NSRP1: variants seen among roughly 807,000 people sequenced by gnomAD.
NSRP1 encodes coiled-coil domain containing 55.
In NSRP1, 24 loss-of-function variants were observed where a neutral mutation model predicts 54.7. That is an observed-to-expected ratio of 0.44 (90% CI 0.32 to 0.62). The LOEUF (loss-of-function observed/expected upper bound fraction) is 0.62. Ranked by LOEUF, NSRP1 falls within the 20% of genes least tolerant of loss-of-function variation. The probability of loss-of-function intolerance (pLI) is 0.06; values close to 1 mark genes in which losing one functional copy is unlikely to be tolerated. For missense variants in NSRP1, 596 were observed against 651.2 expected (o/e 0.92, Z 0.92); for synonymous variants, 210 against 213.8 (o/e 0.98, Z 0.15).
chr17:30,164,960 T>G (rs1424232675), intron 2 of NSRP1, among the ~76,000 whole-genome samples: 1 of 152,222 alleles, frequency 6.6e-6, no homozygotes, highest in Non-Finnish European at 1.5e-5. Flanking sequence ...AATCTTTTTT[T>G]AAACAGCTGT....
chr17:30,145,941 C>T (rs1197062710), intron 2 of NSRP1, among the ~76,000 whole-genome samples: 2 of 152,132 alleles, frequency 1.3e-5, no homozygotes, highest in Admixed American at 6.5e-5. Context: ...CCTCGATGTA[C>T]GGGGCTCAAG....
intron 3 of NSRP1, among the ~76,000 whole-genome samples, chr17:30,176,609 C>G: frequency 8.4e-6 from 1 of 118,710 alleles, no homozygotes; most frequent in East Asian, 5.1e-4. Context: ...GACTTCGTCC[C>G]CCCCCCCCCA....
chr17:30,119,120 G>C (rs747282961), intron 2 of NSRP1, among the ~76,000 whole-genome samples: 1 of 148,144 alleles, frequency 6.8e-6, no homozygotes, highest in South Asian at 2.1e-4. Flanking sequence ...ACAGAGTTTC[G>C]CTCTTGTTAC....
chr17:30,172,953 A>G (rs1400193244), intron 3 of NSRP1, among the ~76,000 whole-genome samples: 1 of 151,720 alleles, frequency 6.6e-6, no homozygotes, highest in Non-Finnish European at 1.5e-5. Context: ...ATATATAGAT[A>G]TATAGATATA....
At chr17:30,143,249 A>G (rs2071822452) in intron 2 of NSRP1, among the ~76,000 whole-genome samples, 1 of 152,228 alleles carries the variant, frequency 6.6e-6, no homozygotes, top group African/African-American at 2.4e-5. Flanking sequence ...AGCTGGAAAT[A>G]AAATAGATCA....
chr17:30,142,131 G>T (rs776539798), intron 2 of NSRP1, among the ~76,000 whole-genome samples: 3 of 151,990 alleles, frequency 2.0e-5, no homozygotes, highest in African/African-American at 7.2e-5. Context: ...TGTGTATCTC[G>T]TCCAACCTTA....
rs758076323 is a variant in NSRP1, at chr17:30,178,115, G to A, written c.216G>A (p.Val72=). Residue 72 remains valine (V), a synonymous_variant, in exon 4 of 7, where the codon GTG becomes GTA. Transcript: ENST00000247026. ...IQKALAEDAT[V]YEYDSIYDEM... The stretch of plus-strand genomic sequence containing the variant: ...AGGCCCTTGCAGAAGATGCTACTGT[G>A]TATGAATATGACAGTATTTATGATG... 6 of 1,610,220 alleles carry A rather than the reference G, an allele frequency of 3.7e-6. No homozygotes were observed. Among genetic ancestry groups the A allele is most frequent in the African/African-American group, 2.7e-5 (2 of 74,682 alleles).
Position 30,185,766 on chromosome 17 carries a change from A to G in NSRP1, c.*92A>G. On this transcript the variant is annotated 3_prime_UTR_variant, in exon 7 of 7. Coordinates refer to ENST00000247026, the MANE Select transcript of NSRP1 (RefSeq NM_032141.4). ...AACCATAAAGGAGTGTGTTACCAGT[A>G]GTTTGGAGGGCATTTTTAAATTTAT... 2 of 1,318,584 alleles carry G rather than the reference A, an allele frequency of 1.5e-6. No individual in the cohort carries two copies. The highest frequency in any genetic ancestry group is 2.0e-6 in the Non-Finnish European group (2 of 978,366). The allele number at this position is 1,318,584 out of a possible 1,614,324, so 81.7% of individuals were successfully genotyped here.
At position 30,116,821 on chromosome 17, in the gene NSRP1, CG is replaced by C. The variant is rs1412292448; in HGVS notation, c.-22del. 6.4e-7 allele frequency: 1 copy of C among 1,569,664 alleles called. No homozygotes were observed. The highest frequency in any genetic ancestry group is 8.6e-7 in the Non-Finnish European group (1 of 1,156,876). The stretch of plus-strand genomic sequence containing the variant: ...GTCAGCGTCACGGAGGCGTCGGCCA[CG>C]TTCAGCGGACACGGGAGCAAGATGG... On this transcript the variant is annotated 5_prime_UTR_variant, in exon 1 of 7. Coordinates refer to ENST00000247026, the MANE Select transcript of NSRP1 (RefSeq NM_032141.4).
chr17:30,152,953 GGCTGGAGT>G (rs1395994886), intron 2 of NSRP1, among the ~76,000 whole-genome samples: 206 of 137,636 alleles, frequency 1.5e-3, no homozygotes, highest in Non-Finnish European at 2.4e-3. Context: ...CTGTTGCCCA[GGCTGGAGT>G]ATAGTGGCAT....
At chr17:30,142,382 G>A (rs774767149) in intron 2 of NSRP1, among the ~76,000 whole-genome samples, 7 of 152,008 alleles carry the variant, frequency 4.6e-5, no homozygotes, top group Non-Finnish European at 8.8e-5. Flanking sequence ...CAGGAGTGCA[G>A]TGGCTCTATC....
At chr17:30,164,263 C>G (rs979618216) in intron 2 of NSRP1, among the ~76,000 whole-genome samples, 2 of 152,052 alleles carry the variant, frequency 1.3e-5, no homozygotes, top group Non-Finnish European at 2.9e-5. Flanking sequence ...AGCATGTTTA[C>G]TGAATTAAGT....
intron 5 of NSRP1, among the ~76,000 whole-genome samples, chr17:30,179,604 C>T (rs1002095097): frequency 5.9e-5 from 9 of 152,176 alleles, no homozygotes; most frequent in African/African-American, 1.2e-4. Flanking sequence ...CAAAGTATAA[C>T]GCCATGGCAT....
rs1221177890 is a variant in NSRP1 at position 30,186,363 on chromosome 17, A to G, written c.*689A>G. 3.3e-5 allele frequency: 5 copies of G among 152,228 alleles called. No homozygotes were observed. Among genetic ancestry groups the G allele is most frequent in the African/African-American group, 1.2e-4 (5 of 41,452 alleles). 9.4% of individuals were successfully genotyped at this position (152,228 alleles called of 1,614,324 possible). ...AATATGGATTTGAAAAACAGAAAAT[A>G]TACTTTATGTTCTGAAATTTGTATT... On this transcript the variant is annotated 3_prime_UTR_variant, in exon 7 of 7. Coordinates refer to ENST00000247026, the MANE Select transcript of NSRP1 (RefSeq NM_032141.4).
At position 30,157,003 on chromosome 17, in the gene NSRP1, T is replaced by C. The variant is rs1305398802; in HGVS notation, c.115-15539T>C. On this transcript the variant is annotated intron_variant, in intron 2 of 6. Coordinates refer to ENST00000247026, the MANE Select transcript of NSRP1 (RefSeq NM_032141.4). Reference sequence around the variant, plus strand: ...ACTGATTTTCTGTCCTTTGAATAAATACCCAGTAGTGATATTGCTGGATCT... The same window carrying C: ...ACTGATTTTCTGTCCTTTGAATAAACACCCAGTAGTGATATTGCTGGATCT... Among the ~76,000 whole-genome samples the C allele has an allele frequency of 3.3e-5, 5 of 152,326 alleles. No individual in the cohort carries two copies. The East Asian group carries it at 9.6e-4, about 29-fold the overall frequency.
At chr17:30,136,372 TA>T (rs1445692517) in intron 2 of NSRP1, among the ~76,000 whole-genome samples, 1 of 152,210 alleles carries the variant, frequency 6.6e-6, no homozygotes, top group Non-Finnish European at 1.5e-5. Context: ...ACTCTAGCAT[TA>T]TAATCTCTTT....
intron 6 of NSRP1, among the ~76,000 whole-genome samples, chr17:30,182,029 G>A (rs1216752847): frequency 1.4e-5 from 2 of 141,580 alleles, no homozygotes; most frequent in African/African-American, 2.6e-5. Flanking sequence ...TTACAGGTAT[G>A]AGCCACTGCA....
rs1378138303 is a variant in NSRP1, at chr17:30,185,514, G to A, written c.1517G>A (p.Gly506Glu). 1 of 1,614,062 alleles carries A rather than the reference G, an allele frequency of 6.2e-7. No individual in the cohort carries two copies. The highest frequency in any genetic ancestry group is 2.2e-5 in the East Asian group (1 of 44,870). ...GCAAAACACAGACTCACAGAGGAAG[G>A]GCAAGAGAAGGGTAAAGAACAAGAG... ...LGAKHRLTEE[G>E]QEKGKEQERP... The change falls in exon 7 of 7, where the codon GGG becomes GAG. Residue 506 changes from glycine to glutamate, a missense_variant. Gly to Glu is a moderately conservative substitution (Grantham distance 98). Transcript: ENST00000247026.
At chr17:30,129,176 T>C (rs1040697286) in intron 2 of NSRP1, among the ~76,000 whole-genome samples, 1 of 152,044 alleles carries the variant, frequency 6.6e-6, no homozygotes, top group East Asian at 1.9e-4. Flanking sequence ...TGTAAAAAGA[T>C]ATAACACATT....
Sources: gnomAD v4.1 joint callset for allele counts (sites outside exome capture counted in the v4.1 genomes callset) on GRCh38, gnomAD v4.1.1 for gene constraint, MANE v1.5 for transcripts, NCBI Gene and HGNC (gene_info 2026-07-23, HGNC 2026-07-21) for gene names.